The following CPXM2 variants were observed in gnomAD, a reference collection of about 807,000 sequenced individuals.
The protein encoded by CPXM2 is carboxypeptidase X, M14 family member 2.
Under a neutral mutation model 86.1 loss-of-function variants are expected in CPXM2, and 66 were observed. The ratio of observed to expected loss-of-function variants is 0.77; its 90% CI spans 0.63 to 0.94. The LOEUF (loss-of-function observed/expected upper bound fraction) is 0.94. Ranked by LOEUF, CPXM2 falls within the 40% of genes least tolerant of loss-of-function variation. The pLI, the probability that CPXM2 is intolerant of heterozygous loss-of-function variation, is 0.00. For synonymous variants in CPXM2, 388 were observed against 400.2 expected, an observed-to-expected ratio of 0.97 and a Z score of 0.36; for missense variants, 948 against 1,026.3, an observed-to-expected ratio of 0.92 and a Z score of 1.04.
At chr10:123,843,200 C>G (rs1848421599) in intron 3 of CPXM2, 1 of 435,384 alleles carries the variant, frequency 2.3e-6, no homozygotes, top group Non-Finnish European at 4.5e-6. Flanking sequence ...GACCCTCCCT[C>G]CTCGGCCCTC....
At chr10:123,787,089 A>C (rs539231096) in intron 6 of CPXM2, among the ~76,000 whole-genome samples, 1 of 152,244 alleles carries the variant, frequency 6.6e-6, no homozygotes, top group East Asian at 1.9e-4. Flanking sequence ...CCCTCAGAGG[A>C]GGTTGGCTAA....
At chr10:123,834,164 G>T (rs377280869) in intron 4 of CPXM2, among the ~76,000 whole-genome samples, 1 of 152,206 alleles carries the variant, frequency 6.6e-6, no homozygotes, top group African/African-American at 2.4e-5. Context: ...GGTAATCGGG[G>T]ACAGAGAGCA....
intron 4 of CPXM2, among the ~76,000 whole-genome samples, chr10:123,837,323 T>C (rs977124175): frequency 1.3e-5 from 2 of 152,200 alleles, no homozygotes; most frequent in Non-Finnish European, 2.9e-5. Flanking sequence ...GCCAACCAGC[T>C]AACCTTCCTC....
At chr10:123,802,283 A>G (rs886073211) in intron 4 of CPXM2, among the ~76,000 whole-genome samples, 1 of 152,172 alleles carries the variant, frequency 6.6e-6, no homozygotes, top group Non-Finnish European at 1.5e-5. Flanking sequence ...CCATAATAGA[A>G]TGCTTGCCAA....
chr10:123,902,214 AG>A (rs1945388845), intron 2 of CPXM2, among the ~76,000 whole-genome samples: 1 of 152,214 alleles, frequency 6.6e-6, no homozygotes, highest in African/African-American at 2.4e-5. Context: ...GGGCCAGGCG[AG>A]GTCATGCAGC....
At chr10:123,883,430 C>T (rs954984940) in intron 1 of CPXM2, among the ~76,000 whole-genome samples, 2 of 152,202 alleles carry the variant, frequency 1.3e-5, no homozygotes, top group African/African-American at 4.8e-5. Flanking sequence ...CACTTCAGTT[C>T]CCTCATCAGT....
rs1036916983 is a variant in CPXM2 at position 123,754,270 on chromosome 10, G to A, written c.2017+393C>T. Among the ~76,000 whole-genome samples, 5 of 152,106 alleles carry A rather than the reference G, an allele frequency of 3.3e-5. No individual in the cohort carries two copies. Among genetic ancestry groups the A allele is most frequent in the African/African-American group, 1.2e-4 (5 of 41,428 alleles). ...CCCAGTCTACAGCTTCTCCCTCTCC[G>A]GAGCAGCCTGGCTCCCTCGCTCCCT... On this transcript the variant is annotated intron_variant, in intron 13 of 13. Coordinates refer to ENST00000241305, the MANE Select transcript of CPXM2 (RefSeq NM_198148.3). This position sits in a 1 kb window ranked among gnomAD's most constrained non-coding sequence, Gnocchi z 4.0.
At chr10:123,795,197 G>A (rs1161351811) in intron 6 of CPXM2, among the ~76,000 whole-genome samples, 1 of 152,166 alleles carries the variant, frequency 6.6e-6, no homozygotes, top group African/African-American at 2.4e-5. Flanking sequence ...TCTCCAGAAT[G>A]TTTTCATCTT....
At chr10:123,750,988 G>A (rs1846061011) in intron 13 of CPXM2, 1 of 985,304 alleles carries the variant, frequency 1.0e-6, no homozygotes, top group African/African-American at 1.7e-5. Context: ...GTCCCCATGA[G>A]TGCTCAGGTC....
At chr10:123,818,491 C>T (rs539101435) in intron 4 of CPXM2, among the ~76,000 whole-genome samples, 1 of 152,298 alleles carries the variant, frequency 6.6e-6, no homozygotes, top group Admixed American at 6.5e-5. Flanking sequence ...GAGGTTCGTC[C>T]TCACTGGAGT....
chr10:123,837,179 C>T (rs1205872277), intron 4 of CPXM2, among the ~76,000 whole-genome samples: 2 of 152,234 alleles, frequency 1.3e-5, no homozygotes, highest in Non-Finnish European at 2.9e-5. Flanking sequence ...CTTTCCATTG[C>T]CAACCAGAAA....
intron 4 of CPXM2, 116 bp downstream of exon 4, chr10:123,842,233 T>G (rs1208561370): frequency 8.1e-6 from 11 of 1,364,886 alleles, no homozygotes; most frequent in Non-Finnish European, 1.1e-5. Context: ...AATTTTCTCC[T>G]CTTCTACTGC....
intron 6 of CPXM2, among the ~76,000 whole-genome samples, chr10:123,788,264 A>G (rs1210802853): frequency 9.3e-5 from 13 of 139,968 alleles, no homozygotes; most frequent in African/African-American, 3.0e-4. Flanking sequence ...TGGGCGACAG[A>G]GCAAGACCCC....
At chr10:123,873,087 A>G (rs1002152732) in intron 2 of CPXM2, among the ~76,000 whole-genome samples, 8 of 152,204 alleles carry the variant, frequency 5.3e-5, no homozygotes, top group African/African-American at 1.4e-4. Flanking sequence ...GAAAATAAAT[A>G]AAGGTATAAG....
intron 6 of CPXM2, among the ~76,000 whole-genome samples, chr10:123,795,627 T>A (rs181682146): frequency 1.2e-3 from 190 of 152,160 alleles, no homozygotes; most frequent in Middle Eastern, 3.4e-3. Flanking sequence ...TGCCCCATCC[T>A]TGGACATGAT....
intron 1 of CPXM2, among the ~76,000 whole-genome samples, chr10:123,888,048 C>G (rs1362128762): frequency 6.6e-6 from 1 of 152,138 alleles, no homozygotes; most frequent in Non-Finnish European, 1.5e-5. Context: ...CATGTCACAC[C>G]CATTGGGCAT....
chr10:123,879,972 G>A (rs2134230002), intron 2 of CPXM2, among the ~76,000 whole-genome samples: 1 of 152,338 alleles, frequency 6.6e-6, no homozygotes, highest in African/African-American at 2.4e-5. Context: ...AAAACTGACT[G>A]CAGTTGAATC....
intron 4 of CPXM2, among the ~76,000 whole-genome samples, chr10:123,826,036 AC>A (rs1372806816): frequency 6.6e-6 from 1 of 152,148 alleles, no homozygotes; most frequent in Non-Finnish European, 1.5e-5. Context: ...ACAAACATCT[AC>A]TGGATGGTGA....
At chr10:123,941,017 A>T (rs1241628288), upstream of CPXM2, among the ~76,000 whole-genome samples, 1 of 151,956 alleles carries the variant, frequency 6.6e-6, no homozygotes, top group Admixed American at 6.6e-5. Context: ...TAAAAATACA[A>T]AAGATTAGCA....
Sources: allele counts gnomAD v4.1 joint callset (sites outside exome capture counted in the v4.1 genomes callset), GRCh38; gene constraint gnomAD v4.1.1; non-coding constraint Gnocchi (gnomAD v3.1); transcripts MANE v1.5; gene names NCBI Gene and HGNC (gene_info 2026-07-23, HGNC 2026-07-21).